INPP5B: variants seen among roughly 807,000 people sequenced by gnomAD.
INPP5B encodes the protein type II inositol 1,4,5-trisphosphate 5-phosphatase.
INPP5B carries 90 observed loss-of-function variants against 118.5 expected under a neutral mutation model. The observed-to-expected ratio is 0.76, with a 90% CI of 0.64 to 0.90. The LOEUF is 0.90. Ranked by LOEUF, INPP5B falls within the 40% of genes least tolerant of loss-of-function variation. INPP5B has a pLI of 0.00. For synonymous variants in INPP5B, 385 were observed against 418.9 expected (o/e 0.92, Z 0.99); for missense variants, 984 against 1,125.6 (o/e 0.87, Z 1.80).
intron 14 of INPP5B, among the ~76,000 whole-genome samples, chr1:37,882,111 A>G (rs556503692): frequency 1.3e-5 from 2 of 152,146 alleles, no homozygotes; most frequent in Admixed American, 6.5e-5. Flanking sequence ...AAAAAAAAAA[A>G]AGATAATAGA....
At chr1:37,863,893 C>T (rs926127904) in intron 23 of INPP5B, among the ~76,000 whole-genome samples, 4 of 150,266 alleles carry the variant, frequency 2.7e-5, no homozygotes, top group South Asian at 2.1e-4. Context: ...CGGGTCACTG[C>T]AGCCTCCGCC....
rs560888538 is a variant in INPP5B, at chr1:37,873,353, T to C, written c.1952-188A>G. The C allele has an allele frequency of 5.3e-4, 311 of 590,858 alleles. 2 individuals carry two copies. The South Asian group carries it at 5.9e-3, about 11-fold the overall frequency. 36.6% of individuals were successfully genotyped at this position (590,858 alleles called of 1,614,324 possible). On this transcript the variant is annotated intron_variant, in intron 18 of 23. Transcript: ENST00000373024. ...AAGAACAAAGAGTTTATAGTCCAACTGGGAATATGAAAACAACAAACAAAA... is the reference window on the plus strand; with the variant it reads ...AAGAACAAAGAGTTTATAGTCCAACCGGGAATATGAAAACAACAAACAAAA...
At chr1:37,945,554 T>C (rs1646081363) in intron 3 of INPP5B, among the ~76,000 whole-genome samples, 1 of 152,246 alleles carries the variant, frequency 6.6e-6, no homozygotes, top group African/African-American at 2.4e-5. Context: ...CTCAAGAAAC[T>C]TCCTCCTTAG....
At chr1:37,887,280 A>C (rs1030335136) in intron 11 of INPP5B, 71 bp downstream of exon 11, 54 of 959,100 alleles carry the variant, frequency 5.6e-5, no homozygotes, top group Middle Eastern at 2.2e-4. Flanking sequence ...GTCATGGAAA[A>C]GGTGAAAAAT....
intron 7 of INPP5B, among the ~76,000 whole-genome samples, chr1:37,912,260 C>T (rs1255174208): frequency 2.6e-5 from 4 of 152,182 alleles, no homozygotes; most frequent in Non-Finnish European, 5.9e-5. Context: ...AATGGCTGTT[C>T]GTCTGCAGGA....
intron 7 of INPP5B, among the ~76,000 whole-genome samples, chr1:37,916,595 T>C (rs1172685836): frequency 6.6e-6 from 1 of 151,894 alleles, no homozygotes; most frequent in African/African-American, 2.4e-5. Context: ...TTTGTATTTT[T>C]AGTAGAGATG....
At position 37,934,758 on chromosome 1, in the gene INPP5B, GACT is replaced by G. The variant is rs575083183; in HGVS notation, c.392-2708_392-2706del. ...ACCCCAGAAGGATGACAGGTAAGGG[GACT>G]GCAAGACACACACCCAATCCTAAAA... On this transcript the variant is annotated intron_variant, in intron 6 of 23. Coordinates refer to ENST00000373024, the MANE Select transcript of INPP5B (RefSeq NM_005540.3). Among the ~76,000 whole-genome samples, 556 of 152,178 alleles carry G rather than the reference GACT, an allele frequency of 3.7e-3. 1 individual carries two copies. The highest frequency in any genetic ancestry group is 4.7e-3 in the Non-Finnish European group (317 of 68,010).
chr1:37,929,643 T>A (rs1645371869), intron 7 of INPP5B: 1 of 152,158 alleles, frequency 6.6e-6, no homozygotes, highest in Non-Finnish European at 1.5e-5. Context: ...CAAATAGAAC[T>A]GAGGGGCTTG....
rs779050936 is a variant in INPP5B at position 37,874,018 on chromosome 1, G to A, written c.1926C>T (p.Asn642=). The A allele has an allele frequency of 8.2e-6, 13 of 1,586,160 alleles. No homozygotes were observed. The highest frequency in any genetic ancestry group is 1.1e-5 in the South Asian group (1 of 88,330). Residue 642 remains asparagine (N), a synonymous_variant, in exon 18 of 24, where the codon AAC becomes AAT. Coordinates refer to ENST00000373024, the MANE Select transcript of INPP5B (RefSeq NM_005540.3). Reference sequence around the variant, plus strand: ...CTGGCAGGAGGAAGCCTCTGCTGGGGTTGGCATTCAGCCACTGCTTACAGT... The same window carrying A: ...CTGGCAGGAGGAAGCCTCTGCTGGGATTGGCATTCAGCCACTGCTTACAGT... ...ESYCKQWLNA[N]PSRGFLLPDS... is the part of the protein sequence containing the mutation.
chr1:37,891,227 CAA>C (rs71656437), intron 8 of INPP5B, 129 bp downstream of exon 8: 4,221 of 424,766 alleles, frequency 9.9e-3, no homozygotes, highest in South Asian at 0.022. Flanking sequence ...AACTCTGTCT[CAA>C]AAAAAAAAAA....
chr1:37,935,236 G>T (rs759539343), intron 6 of INPP5B, among the ~76,000 whole-genome samples: 1 of 138,490 alleles, frequency 7.2e-6, no homozygotes, highest in African/African-American at 2.6e-5. Flanking sequence ...CTGTCGCCCA[G>T]GCTGGAGTGC....
chr1:37,868,771 G>A (rs747427663), intron 19 of INPP5B, among the ~76,000 whole-genome samples, 157 bp from the exon 20 acceptor site: 18 of 152,264 alleles, frequency 1.2e-4, no homozygotes, highest in African/African-American at 4.1e-4. Context: ...TATGATCAAG[G>A]AACAAAAGGT....
At chr1:37,883,080 A>G (rs749673005) in intron 13 of INPP5B, 162 bp from the exon 14 acceptor site, 98 of 985,338 alleles carry the variant, frequency 9.9e-5, no homozygotes, top group Non-Finnish European at 1.1e-4. Flanking sequence ...ATCCCATTTA[A>G]TAATCTAATG....
chr1:37,908,655 C>T (rs940490474), intron 7 of INPP5B, among the ~76,000 whole-genome samples: 20 of 152,110 alleles, frequency 1.3e-4, no homozygotes, highest in Middle Eastern at 3.4e-3. Context: ...GTCACGGACT[C>T]GGGAAGATAG....
chr1:37,919,579 A>G (rs1477624368), intron 7 of INPP5B, among the ~76,000 whole-genome samples: 1 of 152,212 alleles, frequency 6.6e-6, no homozygotes, highest in Admixed American at 6.5e-5. Context: ...AACTACCTAG[A>G]ATACAAGTCA....
intron 7 of INPP5B, among the ~76,000 whole-genome samples, chr1:37,898,558 G>A (rs1002130111): frequency 5.3e-5 from 8 of 152,012 alleles, no homozygotes; most frequent in Admixed American, 2.0e-4. Flanking sequence ...AGCCGGGAGC[G>A]GTGGCAGGCA....
At chr1:37,896,607 AG>A (rs1644090835) in intron 7 of INPP5B, among the ~76,000 whole-genome samples, 1 of 138,692 alleles carries the variant, frequency 7.2e-6, no homozygotes, top group African/African-American at 2.7e-5. Flanking sequence ...TGGGGGGGTC[AG>A]CCCCCCGCCC....
chr1:37,945,888 A>T, intron 2 of INPP5B, 38 bp from the exon 3 acceptor site: 1 of 1,571,340 alleles, frequency 6.4e-7, no homozygotes, highest in Non-Finnish European at 8.7e-7. Flanking sequence ...CCCAGAGGCG[A>T]GGCCTCTCCC....
intron 7 of INPP5B, among the ~76,000 whole-genome samples, chr1:37,928,063 T>C (rs2148654278): frequency 6.6e-6 from 1 of 152,336 alleles, no homozygotes; most frequent in Non-Finnish European, 1.5e-5. Flanking sequence ...ACTGTCCTGC[T>C]GGGCCAACCC....
Sources: allele counts gnomAD v4.1 joint callset (sites outside exome capture counted in the v4.1 genomes callset), GRCh38; gene constraint gnomAD v4.1.1; transcripts MANE v1.5; gene names NCBI Gene and HGNC (gene_info 2026-07-23, HGNC 2026-07-21).